Variants in WAC observed in about 807,000 individuals in gnomAD.
The protein encoded by WAC is WW domain containing adaptor with coiled-coil.
Under a neutral mutation model 79.6 loss-of-function variants are expected in WAC, and 11 were observed. The ratio of observed to expected loss-of-function variants is 0.14; its 90% CI spans 0.09 to 0.23. The LOEUF (loss-of-function observed/expected upper bound fraction) is 0.23, where lower values mean the gene tolerates loss of function less well. Among genes scored for constraint, WAC ranks in the 10% least tolerant of loss-of-function variants. WAC has a pLI of 1.00. For missense variants in WAC, 728 were observed against 773.5 expected (o/e 0.94, Z 0.70); for synonymous variants, 304 against 276.9 (o/e 1.10, Z -0.97).
chr10:28,600,118 T>C (rs1276299638), intron 7 of WAC, among the ~76,000 whole-genome samples: 1 of 152,178 alleles, frequency 6.6e-6, no homozygotes, highest in Non-Finnish European at 1.5e-5. Flanking sequence ...TTTAGAATTA[T>C]GATTTATTAG....
intron 10 of WAC, among the ~76,000 whole-genome samples, chr10:28,612,853 T>C (rs1334364009): frequency 6.6e-6 from 1 of 152,216 alleles, no homozygotes; most frequent in Non-Finnish European, 1.5e-5. Context: ...AATGTGAGTT[T>C]TGGCAAAAGA....
Position 28,533,593 on chromosome 10 carries a change from C to T in WAC, c.14C>T (p.Ala5Val). 1 of 1,586,742 alleles carries T rather than the reference C, an allele frequency of 6.3e-7. No individual in the cohort carries two copies. Among genetic ancestry groups the T allele is most frequent in the Non-Finnish European group, 8.6e-7 (1 of 1,166,084 alleles). The change falls in exon 1 of 14, where the codon GCG becomes GTG. Residue 5 changes from alanine (A) to valine (V), a missense_variant. Transcript: ENST00000354911. MVMY[A>V]RKQQRLSDGC... The stretch of plus-strand genomic sequence containing the variant: ...GGCCGGGCATTGATGGTAATGTATG[C>T]GAGGAAACAGCAGAGACTCAGTGAT...
At chr10:28,595,006 AT>A (rs1277789335) in intron 6 of WAC, among the ~76,000 whole-genome samples, 1 of 152,080 alleles carries the variant, frequency 6.6e-6, no homozygotes, top group African/African-American at 2.4e-5. Flanking sequence ...TTGAAAGAGG[AT>A]TTGTTTTTAA....
intron 10 of WAC, among the ~76,000 whole-genome samples, chr10:28,613,167 A>C (rs1259334957): frequency 6.6e-6 from 1 of 152,186 alleles, no homozygotes; most frequent in Non-Finnish European, 1.5e-5. Context: ...CTAGAGTTTG[A>C]AACAAGCCTG....
At chr10:28,611,140 C>A in intron 9 of WAC, 1 of 683,278 alleles carries the variant, frequency 1.5e-6, no homozygotes, top group Non-Finnish European at 2.2e-6. Context: ...TATGATGTGC[C>A]ATATATCTTT....
At chr10:28,583,544 AT>A (rs770660144) in intron 4 of WAC, 39 bp downstream of exon 4, 13 of 1,177,786 alleles carry the variant, frequency 1.1e-5, no homozygotes, top group Non-Finnish European at 1.4e-5. Context: ...TTTCTTTGGA[AT>A]TTTTTGCAAA....
chr10:28,566,365 GTA>G (rs1838612676), intron 3 of WAC, among the ~76,000 whole-genome samples: 1 of 152,176 alleles, frequency 6.6e-6, no homozygotes, highest in Admixed American at 6.5e-5. Flanking sequence ...AATATTTACT[GTA>G]TAATGTCAGT....
intron 9 of WAC, chr10:28,611,139 C>T (rs1241447834): frequency 4.4e-6 from 3 of 676,640 alleles, no homozygotes; most frequent in East Asian, 1.1e-4. Context: ...CTATGATGTG[C>T]CATATATCTT....
intron 4 of WAC, among the ~76,000 whole-genome samples, chr10:28,585,897 T>G (rs1380134505): frequency 6.6e-6 from 1 of 152,168 alleles, no homozygotes; most frequent in African/African-American, 2.4e-5. Flanking sequence ...TCAGAAAGAA[T>G]AAATAATGGG....
Position 28,617,752 on chromosome 10 carries a change from A to T in WAC, c.1842A>T (p.Val614=). The T allele has an allele frequency of 6.3e-7, 1 of 1,593,168 alleles. No homozygotes were observed. Among genetic ancestry groups the T allele is most frequent in the Non-Finnish European group, 8.5e-7 (1 of 1,174,014 alleles). The change falls in exon 13 of 14, where the codon GTA becomes GTT. Residue 614 remains valine, a synonymous_variant. Coordinates refer to ENST00000354911, the MANE Select transcript of WAC (RefSeq NM_016628.5). ...ELKNLRSLVR[V]CEIQATLREQ... is the part of the protein sequence containing the mutation. ...AAAATTTAAGATCTTTAGTCCGAGT[A>T]TGTGAAATTCAAGCAACTTTGCGAG...
chr10:28,536,761 GA>G (rs1327054801), intron 3 of WAC, among the ~76,000 whole-genome samples: 2 of 152,144 alleles, frequency 1.3e-5, no homozygotes, highest in Non-Finnish European at 2.9e-5. Context: ...TAATTTGCCC[GA>G]ATTACATTTC....
Position 28,533,981 on chromosome 10 carries a change from C to T in WAC, c.42-17C>T, listed in dbSNP as rs1488892056. ...GCGCCGTGTCTTATGTCGCTGCCTT[C>T]TCTTCCTGTTTTTCAGCTGTCACGA... On this transcript the variant is annotated splice_polypyrimidine_tract_variant and intron_variant, in intron 1 of 13. Transcript: ENST00000354911. 1.2e-6 allele frequency: 2 copies of T among 1,606,330 alleles called. No individual in the cohort carries two copies. The highest frequency in any genetic ancestry group is 1.7e-6 in the Non-Finnish European group (2 of 1,176,602).
chr10:28,538,880 A>G (rs926316373), intron 3 of WAC, among the ~76,000 whole-genome samples: 30 of 151,522 alleles, frequency 2.0e-4, no homozygotes, highest in African/African-American at 6.5e-4. Flanking sequence ...AAAAAAAAAA[A>G]AAAAGAAAAA....
At chr10:28,610,123 G>C (rs1437761377) in intron 8 of WAC, among the ~76,000 whole-genome samples, 1 of 151,864 alleles carries the variant, frequency 6.6e-6, no homozygotes, top group Non-Finnish European at 1.5e-5. Context: ...AGTAGAGACA[G>C]GGTTTCACTA....
intron 3 of WAC, among the ~76,000 whole-genome samples, chr10:28,559,572 A>G (rs1838195744): frequency 1.3e-5 from 2 of 152,166 alleles, no homozygotes; most frequent in Admixed American, 6.5e-5. Context: ...AGCATTTGTG[A>G]CAAGCAAGTT....
At chr10:28,614,509 T>TG (rs1418699131) in intron 10 of WAC, 58 bp from the exon 11 acceptor site, 25 of 1,334,418 alleles carry the variant, frequency 1.9e-5, no homozygotes, top group African/African-American at 2.9e-5. Context: ...ACCTAGATTT[T>TG]GGGGGGAGAG....
chr10:28,611,225 T>A, intron 9 of WAC: 2 of 1,280,164 alleles, frequency 1.6e-6, no homozygotes, highest in Non-Finnish European at 2.0e-6. Context: ...CTGGATAATA[T>A]GGAAATGCTC....
Position 28,622,245 on chromosome 10 carries a change from C to A in WAC, c.*2639C>A, listed in dbSNP as rs1010525585. On this transcript the variant is annotated 3_prime_UTR_variant, in exon 14 of 14. Coordinates refer to ENST00000354911, the MANE Select transcript of WAC (RefSeq NM_016628.5). ...ATATTTTAAATATTGCACCTTAATA[C>A]AAGGTATCCAGCTCCTAACCTTAAC... 2 of 152,074 alleles carry A rather than the reference C, an allele frequency of 1.3e-5. No individual in the cohort carries two copies. The highest frequency in any genetic ancestry group is 4.8e-5 in the African/African-American group (2 of 41,400). The allele number at this position is 152,074 out of a possible 1,614,324, so 9.4% of individuals were successfully genotyped here. A position where few individuals can be genotyped will look rare whatever the true frequency, so the allele number is the denominator to read the frequency against.
chr10:28,610,955 G>GTT, intron 9 of WAC, 134 bp downstream of exon 9: 1 of 1,004,758 alleles, frequency 1.0e-6, no homozygotes, highest in Non-Finnish European at 1.4e-6. Flanking sequence ...CAATAATTTT[G>GTT]TTTTTTTTGT....
Sources: gnomAD v4.1 joint callset for allele counts (sites outside exome capture counted in the v4.1 genomes callset) on GRCh38, gnomAD v4.1.1 for gene constraint, MANE v1.5 for transcripts, NCBI Gene and HGNC (gene_info 2026-07-23, HGNC 2026-07-21) for gene names.